Variants in CCDC25 observed in about 807,000 individuals in gnomAD.
CCDC25 encodes coiled-coil domain-containing protein 25.
In CCDC25, 16 loss-of-function variants were observed where a neutral mutation model predicts 35.3. The observed-to-expected ratio is 0.45, with a 90% CI of 0.31 to 0.69. CCDC25 has a LOEUF of 0.69. Among genes scored for constraint, CCDC25 ranks in the 30% least tolerant of loss-of-function variants. CCDC25 has a pLI of 0.06. For missense variants in CCDC25, 179 were observed against 250.7 expected (o/e 0.71, Z 1.93); for synonymous variants, 79 against 80.3 (o/e 0.98, Z 0.09).
intron 7 of CCDC25, among the ~76,000 whole-genome samples, chr8:27,743,264 C>G (rs1305109437): frequency 6.6e-6 from 1 of 152,226 alleles, no homozygotes; most frequent in African/African-American, 2.4e-5. Flanking sequence ...GTGGAATGCT[C>G]TTAACCTAGT....
chr8:27,771,181 G>A (rs1311617582), intron 1 of CCDC25, among the ~76,000 whole-genome samples: 2 of 152,054 alleles, frequency 1.3e-5, no homozygotes, highest in East Asian at 1.9e-4. Flanking sequence ...ACACCATTGC[G>A]TTACCATTGC....
At position 27,762,573 on chromosome 8, in the gene CCDC25, G is replaced by A. The variant is rs1585371593; in HGVS notation, c.77-115C>T. On this transcript the variant is annotated intron_variant, in intron 2 of 8. Transcript: ENST00000356537. ...CCCACAAATTTCTCTCTCCCTCAAT[G>A]AAGAAGAGTAATTCGGAGGCCTTGA... The A allele has an allele frequency of 8.5e-6, 7 of 819,952 alleles. No homozygotes were observed. In the East Asian group the frequency reaches 2.0e-4, roughly 23 times the overall value. The allele number at this position is 819,952 out of a possible 1,614,324, so 50.8% of individuals were successfully genotyped here. A position where few individuals can be genotyped will look rare whatever the true frequency, so the allele number is the denominator to read the frequency against.
At chr8:27,749,429 G>A (rs1429544696) in intron 5 of CCDC25, among the ~76,000 whole-genome samples, 3 of 152,194 alleles carry the variant, frequency 2.0e-5, no homozygotes, top group African/African-American at 7.2e-5. Flanking sequence ...GGCACAAAAT[G>A]ACATCATGTG....
chr8:27,771,305 C>T (rs1308506815), intron 1 of CCDC25, among the ~76,000 whole-genome samples: 1 of 152,026 alleles, frequency 6.6e-6, no homozygotes, highest in African/African-American at 2.4e-5. Flanking sequence ...TATACTCTAC[C>T]GTGTTGCTAC....
chr8:27,736,512 C>T (rs1563439471), intron 8 of CCDC25, among the ~76,000 whole-genome samples: 2 of 152,142 alleles, frequency 1.3e-5, no homozygotes, highest in Non-Finnish European at 2.9e-5. Context: ...TGCAGTAAGT[C>T]CCACCTGACC....
At chr8:27,765,875 C>T (rs1804384022) in intron 1 of CCDC25, among the ~76,000 whole-genome samples, 1 of 152,158 alleles carries the variant, frequency 6.6e-6, no homozygotes, top group South Asian at 2.1e-4. Context: ...TCAACTCAAT[C>T]CAAATCTCTG....
chr8:27,769,940 G>A (rs1375300267), intron 1 of CCDC25, among the ~76,000 whole-genome samples: 1 of 152,142 alleles, frequency 6.6e-6, no homozygotes, highest in African/African-American at 2.4e-5. Flanking sequence ...TAAGGAGTTC[G>A]AGACTAGCCT....
rs559613285 is a variant in CCDC25, at chr8:27,762,462, C to T, written c.77-4G>A. The T allele has an allele frequency of 3.7e-6, 6 of 1,612,824 alleles. No individual in the cohort carries two copies. In the South Asian group the frequency reaches 6.6e-5, roughly 18 times the overall value. On this transcript the variant is annotated splice_polypyrimidine_tract_variant and splice_region_variant and intron_variant, in intron 2 of 8. Coordinates refer to ENST00000356537, the MANE Select transcript of CCDC25 (RefSeq NM_018246.3). ...CCATGCTTGATCAGATCTTCATCTG[C>T]AATGAGATATGAGAAACGAAAGAAA...
At chr8:27,771,516 GCT>G (rs370757524) in intron 1 of CCDC25, among the ~76,000 whole-genome samples, 3 of 151,416 alleles carry the variant, frequency 2.0e-5, no homozygotes, top group Non-Finnish European at 2.9e-5. Context: ...AGGTGACTCT[GCT>G]CTCTCTCTCT....
At chr8:27,755,590 A>T (rs543808088) in intron 4 of CCDC25, among the ~76,000 whole-genome samples, 2 of 152,298 alleles carry the variant, frequency 1.3e-5, no homozygotes, top group South Asian at 2.1e-4. Flanking sequence ...ATAAGAATAC[A>T]GAAATGGGGA....
chr8:27,747,946 G>T, intron 7 of CCDC25, 131 bp downstream of exon 7: 1 of 858,204 alleles, frequency 1.2e-6, no homozygotes. Flanking sequence ...ACTGATTTAA[G>T]GTTGAGCTTA....
chr8:27,752,533 C>G lies in CCDC25; in HGVS notation c.223G>C (p.Val75Leu). Reference protein sequence around the residue: ...KEVLMDCAHLVKANSIQGCKM... With the variant: ...KEVLMDCAHLLKANSIQGCKM... Reference sequence around the variant, plus strand: ...TGACCTTGAATGCTATTGGCCTTCACAAGGTGGGCACAGTCCATCAGCACT... The same window carrying G: ...TGACCTTGAATGCTATTGGCCTTCAGAAGGTGGGCACAGTCCATCAGCACT... The change falls in exon 5 of 9, where the codon GTG becomes CTG. Residue 75 changes from valine to leucine, a missense_variant. Physicochemically the swap from Val to Leu is conservative, Grantham distance 32 (BLOSUM62 1). Transcript: ENST00000356537. The G allele has an allele frequency of 1.9e-6, 3 of 1,613,718 alleles. No homozygotes were observed. The highest frequency in any genetic ancestry group is 2.5e-6 in the Non-Finnish European group (3 of 1,179,720).
chr8:27,771,934 T>A (rs1804634460), intron 1 of CCDC25: 1 of 152,346 alleles, frequency 6.6e-6, no homozygotes, highest in Non-Finnish European at 1.5e-5. Context: ...CTGTCAAAGA[T>A]AAGTCAGAAG....
intron 5 of CCDC25, among the ~76,000 whole-genome samples, chr8:27,751,258 A>T (rs1296303648): frequency 6.6e-6 from 1 of 152,248 alleles, no homozygotes; most frequent in Non-Finnish European, 1.5e-5. Flanking sequence ...GGAACACAGA[A>T]GGAAAGAATA....
intron 4 of CCDC25, among the ~76,000 whole-genome samples, chr8:27,755,394 T>C (rs77381811): frequency 0.048 from 7,271 of 152,152 alleles, 214 homozygotes; most frequent in South Asian, 0.067. Context: ...TCTCAAAGGA[T>C]AAAATAAACG....
At chr8:27,756,955 G>A (rs1351715599) in intron 3 of CCDC25, among the ~76,000 whole-genome samples, 185 bp from the exon 4 acceptor site, 1 of 152,178 alleles carries the variant, frequency 6.6e-6, no homozygotes, top group East Asian at 1.9e-4. Context: ...GAAGAGGTAC[G>A]AGAAACACTG....
intron 7 of CCDC25, chr8:27,747,841 A>G: frequency 1.9e-6 from 1 of 527,146 alleles, no homozygotes; most frequent in Non-Finnish European, 3.4e-6. Flanking sequence ...TATGAATAAA[A>G]TTAGTTATTT....
chr8:27,738,551 G>A (rs1285581121), intron 8 of CCDC25, among the ~76,000 whole-genome samples: 2 of 151,796 alleles, frequency 1.3e-5, no homozygotes, highest in Non-Finnish European at 2.9e-5. Flanking sequence ...TTTAACATCT[G>A]TCACTGATCA....
chr8:27,738,247 C>T (rs1466502916), intron 8 of CCDC25, among the ~76,000 whole-genome samples: 2 of 144,706 alleles, frequency 1.4e-5, no homozygotes, highest in East Asian at 2.1e-4. Flanking sequence ...CCATCTGTAC[C>T]CCAATAACTT....
Sources: allele counts gnomAD v4.1 joint callset (sites outside exome capture counted in the v4.1 genomes callset), GRCh38; gene constraint gnomAD v4.1.1; transcripts MANE v1.5; gene names NCBI Gene and HGNC (gene_info 2026-07-23, HGNC 2026-07-21).